Variants in IQUB observed in about 807,000 individuals in gnomAD.
The protein encoded by IQUB is IQ motif and ubiquitin-like domain-containing protein.
In IQUB, 86 loss-of-function variants were observed where a neutral mutation model predicts 86.4. The ratio of observed to expected loss-of-function variants is 1.00; its 90% CI spans 0.84 to 1.19. IQUB has a LOEUF of 1.19. Among genes scored for constraint, IQUB ranks in the 50% most tolerant of loss-of-function variants. IQUB has a pLI of 0.00. For missense variants in IQUB, 946 were observed against 916.9 expected, an observed-to-expected ratio of 1.03 and a Z score of -0.41; for synonymous variants, 289 against 304.5, an observed-to-expected ratio of 0.95 and a Z score of 0.53.
chr7:123,489,393 TA>T, intron 7 of IQUB, among the ~76,000 whole-genome samples: 1 of 152,014 alleles, frequency 6.6e-6, no homozygotes, highest in South Asian at 2.1e-4. Context: ...TAATATAGAG[TA>T]GGATATTACT....
intron 8 of IQUB, among the ~76,000 whole-genome samples, chr7:123,477,319 A>T (rs1794791428): frequency 6.6e-6 from 1 of 152,214 alleles, no homozygotes; most frequent in South Asian, 2.1e-4. Flanking sequence ...GACAAACCTG[A>T]CAAAAACAAG....
intron 1 of IQUB, among the ~76,000 whole-genome samples, chr7:123,523,943 C>T (rs979444689): frequency 1.3e-5 from 2 of 152,080 alleles, no homozygotes; most frequent in Non-Finnish European, 2.9e-5. Context: ...TTTCCCAGCA[C>T]CATTTATTAA....
intron 6 of IQUB, among the ~76,000 whole-genome samples, chr7:123,500,388 AAAAAG>A (rs1164437594): frequency 3.3e-5 from 5 of 152,298 alleles, no homozygotes; most frequent in Non-Finnish European, 5.9e-5. Flanking sequence ...TCAAACCAAC[AAAAAG>A]AAAAGGCTAA....
intron 11 of IQUB, chr7:123,457,881 T>C (rs1369189429): frequency 9.8e-6 from 2 of 203,598 alleles, no homozygotes; most frequent in Non-Finnish European, 2.0e-5. Context: ...TATTGAATGA[T>C]CTTTAAAATT....
chr7:123,511,029 A>T (rs767651108), intron 2 of IQUB, among the ~76,000 whole-genome samples: 2 of 152,108 alleles, frequency 1.3e-5, no homozygotes, highest in African/African-American at 2.4e-5. Context: ...CAAAAATGAA[A>T]CCCAAATTTA....
At chr7:123,462,648 C>A in intron 10 of IQUB, 1 of 262,074 alleles carries the variant, frequency 3.8e-6, no homozygotes, top group East Asian at 9.0e-5. Flanking sequence ...GACAACTTAT[C>A]TGGTTCCTTT....
chr7:123,505,598 C>T (rs1330823050), intron 3 of IQUB, among the ~76,000 whole-genome samples: 1 of 152,168 alleles, frequency 6.6e-6, no homozygotes, highest in Non-Finnish European at 1.5e-5. Flanking sequence ...ATATCTGGAG[C>T]CCTTTTAGCC....
rs34470379 is a variant in IQUB, at chr7:123,512,570, T to C, written c.-4-226A>G. On this transcript the variant is annotated intron_variant, in intron 1 of 12. Coordinates refer to ENST00000324698, the MANE Select transcript of IQUB (RefSeq NM_178827.5). Reference sequence around the variant, plus strand: ...ATATGGAAAAACATTTTTTAATATCTTGTCATTTCTTATTTCTTCCTTATT... The same window carrying C: ...ATATGGAAAAACATTTTTTAATATCCTGTCATTTCTTATTTCTTCCTTATT... Among the ~76,000 whole-genome samples, 635 of 152,366 alleles carry C rather than the reference T, an allele frequency of 4.2e-3. 1 individual carries two copies. The highest frequency in any genetic ancestry group is 7.5e-3 in the Non-Finnish European group (511 of 68,026).
intron 3 of IQUB, 63 bp from the exon 4 acceptor site, chr7:123,503,426 ATT>A: frequency 1.1e-6 from 1 of 891,378 alleles, no homozygotes; most frequent in Non-Finnish European, 1.7e-6. Context: ...CATTGATCTT[ATT>A]TTTTGTTTTT....
chr7:123,467,681 A>T (rs1794326527), intron 9 of IQUB, among the ~76,000 whole-genome samples: 1 of 152,186 alleles, frequency 6.6e-6, no homozygotes, highest in South Asian at 2.1e-4. Flanking sequence ...GCACAGCCTC[A>T]CTACCCTTGA....
intron 1 of IQUB, among the ~76,000 whole-genome samples, chr7:123,514,821 C>T (rs1044643813): frequency 6.6e-6 from 1 of 152,152 alleles, no homozygotes; most frequent in African/African-American, 2.4e-5. Flanking sequence ...TGTTATTTCA[C>T]TCCTACTTAT....
intron 1 of IQUB, among the ~76,000 whole-genome samples, chr7:123,531,461 T>C (rs2117402973): frequency 6.6e-6 from 1 of 152,258 alleles, no homozygotes; most frequent in Admixed American, 6.5e-5. Flanking sequence ...TTAGTTATGT[T>C]GAATGCTAAA....
rs894852118 is a variant in IQUB at position 123,452,695 on chromosome 7, T to C, written c.*48A>G. ...ACTCTGTGACCTCTGTATTACCCTA[T>C]TAGCAGTGAACAAAATGCCGATCAT... On this transcript the variant is annotated 3_prime_UTR_variant, in exon 13 of 13. Transcript: ENST00000324698. 1 of 1,316,044 alleles carries C rather than the reference T, an allele frequency of 7.6e-7. No homozygotes were observed. The highest frequency in any genetic ancestry group is 2.3e-5 in the East Asian group (1 of 43,414). 81.5% of individuals were successfully genotyped at this position (1,316,044 alleles called of 1,614,324 possible). A position where few individuals can be genotyped will look rare whatever the true frequency, so the allele number is the denominator to read the frequency against.
In IQUB at chr7:123,509,852, T is replaced by C. The variant is rs199537587; in HGVS notation, c.532+49A>G. 5.7e-5 allele frequency: 84 copies of C among 1,479,910 alleles called. No homozygotes were observed. The Middle Eastern group carries it at 1.2e-3, about 21-fold the overall frequency. 91.7% of individuals were successfully genotyped at this position (1,479,910 alleles called of 1,614,324 possible). A position where few individuals can be genotyped will look rare whatever the true frequency, so the allele number is the denominator to read the frequency against. ...AAATCAAAGATCTTGATTGTTTACATGTTAAAACTAGAAAAGTCTTGATAT... is the reference window on the plus strand; with the variant it reads ...AAATCAAAGATCTTGATTGTTTACACGTTAAAACTAGAAAAGTCTTGATAT... On this transcript the variant is annotated intron_variant, in intron 3 of 12. Transcript: ENST00000324698.
chr7:123,506,864 A>G (rs551636129), intron 3 of IQUB, among the ~76,000 whole-genome samples: 16 of 152,296 alleles, frequency 1.1e-4, no homozygotes, highest in African/African-American at 3.6e-4. Context: ...TGCTAGAAAA[A>G]GTATACATTG....
At chr7:123,518,259 A>C (rs1796738103) in intron 1 of IQUB, among the ~76,000 whole-genome samples, 1 of 152,092 alleles carries the variant, frequency 6.6e-6, no homozygotes, top group Non-Finnish European at 1.5e-5. Flanking sequence ...TTTTGACAGT[A>C]CTACTGCAAC....
chr7:123,503,270 A>G lies in IQUB; in HGVS notation c.626T>C (p.Leu209Pro), dbSNP rs1191530941. ...TCCATCTATTCTTCTGACTGGATAC[A>G]GATCTGGATTTGTAGAAAAGATTTC... is the stretch of plus-strand genomic sequence containing the variant. ...QVEIFSTNPDLYPVRRIDGLT... is the reference protein window; with the variant it reads ...QVEIFSTNPDPYPVRRIDGLT... Residue 209 changes from leucine (L) to proline (P), a missense_variant, in exon 4 of 13, where the codon CTG becomes CCG. By Grantham distance (98) the Leu-to-Pro change is moderately conservative. Transcript: ENST00000324698. 1.9e-6 allele frequency: 3 copies of G among 1,610,202 alleles called. No individual in the cohort carries two copies. The highest frequency in any genetic ancestry group is 4.5e-5 in the East Asian group (2 of 44,780).
At chr7:123,474,300 T>C (rs1389954249) in intron 8 of IQUB, among the ~76,000 whole-genome samples, 1 of 152,320 alleles carries the variant, frequency 6.6e-6, no homozygotes, top group Non-Finnish European at 1.5e-5. Flanking sequence ...TTTGTTAATT[T>C]TGACATCTGA....
At chr7:123,505,680 C>T (rs1021570096) in intron 3 of IQUB, among the ~76,000 whole-genome samples, 1 of 152,184 alleles carries the variant, frequency 6.6e-6, no homozygotes, top group African/African-American at 2.4e-5. Flanking sequence ...CTCACAAAAC[C>T]ACTTTTCCCT....
Sources: gnomAD v4.1 joint callset for allele counts (sites outside exome capture counted in the v4.1 genomes callset) on GRCh38, gnomAD v4.1.1 for gene constraint, MANE v1.5 for transcripts, NCBI Gene and HGNC (gene_info 2026-07-23, HGNC 2026-07-21) for gene names.